UBAC2: variants seen among roughly 807,000 people sequenced by gnomAD.
UBAC2 encodes the protein ubiquitin-associated domain-containing protein 2.
A neutral mutation model predicts 44.0 loss-of-function variants in UBAC2; 26 were observed. The observed-to-expected ratio is 0.59, with a 90% confidence interval of 0.43 to 0.82. UBAC2 has a LOEUF of 0.82. Ranked by LOEUF, UBAC2 falls within the 40% of genes least tolerant of loss-of-function variation. The pLI is 0.00. For synonymous variants in UBAC2, 155 were observed against 154.3 expected, an observed-to-expected ratio of 1.00 and a Z score of -0.04; for missense variants, 329 against 419.4, an observed-to-expected ratio of 0.78 and a Z score of 1.88.
intron 6 of UBAC2, among the ~76,000 whole-genome samples, chr13:99,334,567 T>A (rs1040760232): frequency 3.9e-5 from 6 of 152,206 alleles, no homozygotes; most frequent in African/African-American, 1.4e-4. Context: ...ATGAAGTAAT[T>A]CAGTATTAAC....
At chr13:99,319,474 C>G (rs1014584885) in intron 6 of UBAC2, among the ~76,000 whole-genome samples, 6 of 152,170 alleles carry the variant, frequency 3.9e-5, no homozygotes. Flanking sequence ...TCCTGTACGC[C>G]TGCTTACCCC....
At position 99,318,947 on chromosome 13, in the gene UBAC2, A is replaced by G. The variant is rs545275816; in HGVS notation, c.561+878A>G. Among the ~76,000 whole-genome samples the G allele has an allele frequency of 1.7e-4, 24 of 145,344 alleles. No homozygotes were observed. In the South Asian group the frequency reaches 4.3e-3, roughly 26 times the overall value. ...TGTCAGTGTTGTTTTTAAATCATAG[A>G]AAAAAAAAAAGCCTGAAAATGAAGA... On this transcript the variant is annotated intron_variant, in intron 6 of 8. Transcript: ENST00000403766.
At chr13:99,338,047 C>CTTTTTCTT (rs2044821100) in intron 6 of UBAC2, among the ~76,000 whole-genome samples, 1 of 48,852 alleles carries the variant, frequency 2.0e-5, no homozygotes, top group African/African-American at 7.1e-5. Context: ...TTCTTTTTTT[C>CTTTTTCTT]TTTTTTTTTT....
intron 4 of UBAC2, among the ~76,000 whole-genome samples, chr13:99,276,643 C>T (rs1041969159): frequency 2.0e-5 from 3 of 152,198 alleles, no homozygotes; most frequent in Admixed American, 2.0e-4. Context: ...CCCACCACCC[C>T]ACTTCCTGGA....
intron 8 of UBAC2, among the ~76,000 whole-genome samples, chr13:99,379,298 T>A (rs1326349089): frequency 1.3e-5 from 2 of 152,232 alleles, no homozygotes; most frequent in African/African-American, 4.8e-5. Context: ...TGTGTCTTTC[T>A]GGAGCAATAA....
chr13:99,200,868 C>A lies in UBAC2; in HGVS notation c.-41C>A. ...CGCTGGGGCTCGCACTTCAGCTTCC[C>A]CTCCCCCGGCGCCCTCTGGGGCTCC... On this transcript the variant is annotated 5_prime_UTR_variant, in exon 1 of 9. Coordinates refer to ENST00000403766, the MANE Select transcript of UBAC2 (RefSeq NM_001144072.2). The A allele has an allele frequency of 7.8e-7, 1 of 1,288,262 alleles. No homozygotes were observed. Among genetic ancestry groups the A allele is most frequent in the Non-Finnish European group, 9.9e-7 (1 of 1,008,650 alleles). The allele number at this position is 1,288,262 out of a possible 1,614,324, so 79.8% of individuals were successfully genotyped here.
At chr13:99,368,684 AGAGAGTGT>A (rs1323356544) in intron 8 of UBAC2, among the ~76,000 whole-genome samples, 1 of 92,530 alleles carries the variant, frequency 1.1e-5, no homozygotes, top group Non-Finnish European at 2.3e-5. Context: ...TAAACTCATG[AGAGAGTGT>A]GTGTGTGTGT....
chr13:99,238,587 A>G, intron 2 of UBAC2, 33 bp downstream of exon 2: 1 of 1,500,170 alleles, frequency 6.7e-7, no homozygotes, highest in Non-Finnish European at 8.9e-7. Context: ...CTGAGAGGAG[A>G]GCGGACAGTT....
chr13:99,261,591 T>C (rs962668929), intron 4 of UBAC2: 1 of 152,220 alleles, frequency 6.6e-6, no homozygotes, highest in Non-Finnish European at 1.5e-5. Context: ...GTTTTAAAGA[T>C]GTATAGACAT....
Position 99,318,085 on chromosome 13 carries a change from CT to C in UBAC2, c.561+20del. The stretch of plus-strand genomic sequence containing the variant: ...AAGTGGACTTGTAAGTGTGACTACC[CT>C]TTTACACCCAATTCTCTCTCTCTCC... On this transcript the variant is annotated intron_variant, in intron 6 of 8. Transcript: ENST00000403766. 6.2e-7 allele frequency: 1 copy of C among 1,604,812 alleles called. No individual in the cohort carries two copies. The highest frequency in any genetic ancestry group is 8.5e-7 in the Non-Finnish European group (1 of 1,172,648).
At chr13:99,230,138 T>C (rs563463930) in intron 1 of UBAC2, among the ~76,000 whole-genome samples, 14 of 152,290 alleles carry the variant, frequency 9.2e-5, no homozygotes, top group African/African-American at 3.4e-4. Flanking sequence ...GTTGCTTCTC[T>C]AACAAATTAT....
intron 8 of UBAC2, among the ~76,000 whole-genome samples, chr13:99,370,142 T>C (rs1000409982): frequency 1.3e-5 from 2 of 152,152 alleles, no homozygotes; most frequent in African/African-American, 2.4e-5. Context: ...ATACCGACCG[T>C]GGTTAGGAAA....
intron 7 of UBAC2, among the ~76,000 whole-genome samples, chr13:99,357,412 G>A (rs760525352): frequency 1.3e-5 from 2 of 152,194 alleles, no homozygotes; most frequent in African/African-American, 2.4e-5. Context: ...TTTAATGTAC[G>A]TTTGTTTTGT....
At position 99,293,149 on chromosome 13, in the gene UBAC2, T is replaced by A. The variant is rs527569426; in HGVS notation, c.390-20948T>A. ...ATTAGAGTTTACCTTTTTGGCAGTA[T>A]GGTTGCTGATGACTGGATAAAATCA... On this transcript the variant is annotated intron_variant, in intron 4 of 8. Coordinates refer to ENST00000403766, the MANE Select transcript of UBAC2 (RefSeq NM_001144072.2). Among the ~76,000 whole-genome samples, 19 of 152,308 alleles carry A rather than the reference T, an allele frequency of 1.2e-4. 1 individual carries two copies. In the South Asian group the frequency reaches 1.7e-3, roughly 13 times the overall value.
At chr13:99,373,559 T>C (rs993943022) in intron 8 of UBAC2, among the ~76,000 whole-genome samples, 3 of 152,154 alleles carry the variant, frequency 2.0e-5, no homozygotes, top group Non-Finnish European at 4.4e-5. Context: ...TGAGGAGCTG[T>C]GAGCCCAGGG....
chr13:99,347,459 G>A (rs537527244), intron 7 of UBAC2, among the ~76,000 whole-genome samples: 3 of 152,056 alleles, frequency 2.0e-5, no homozygotes, highest in Admixed American at 6.6e-5. Flanking sequence ...AGCTGGAAGT[G>A]GGGGAAGGTC....
At chr13:99,253,606 T>A (rs2043489582) in intron 4 of UBAC2, among the ~76,000 whole-genome samples, 1 of 152,088 alleles carries the variant, frequency 6.6e-6, no homozygotes, top group African/African-American at 2.4e-5. Context: ...CTCCGCCTCC[T>A]GGGTTCAAGC....
intron 1 of UBAC2, among the ~76,000 whole-genome samples, chr13:99,231,960 G>A (rs1307635392): frequency 1.3e-5 from 2 of 152,140 alleles, no homozygotes; most frequent in African/African-American, 4.8e-5. Flanking sequence ...CTGAAGAGCT[G>A]GTGTTGTTTT....
intron 1 of UBAC2, among the ~76,000 whole-genome samples, chr13:99,224,938 A>G (rs1033597084): frequency 6.6e-6 from 1 of 152,134 alleles, no homozygotes; most frequent in African/African-American, 2.4e-5. Flanking sequence ...GTGATGTGCA[A>G]CTGTTTGGAT....
Sources: allele counts gnomAD v4.1 joint callset (sites outside exome capture counted in the v4.1 genomes callset), GRCh38; gene constraint gnomAD v4.1.1; transcripts MANE v1.5; gene names NCBI Gene and HGNC (gene_info 2026-07-23, HGNC 2026-07-21).